Variants in PDS5B observed in about 807,000 individuals in gnomAD.
PDS5B encodes sister chromatid cohesion protein PDS5 homolog B.
A neutral mutation model predicts 184.1 loss-of-function variants in PDS5B; 51 were observed. That is an observed-to-expected ratio of 0.28 (90% CI 0.22 to 0.35). PDS5B has a LOEUF of 0.35. Ranked by LOEUF, PDS5B falls within the 10% of genes least tolerant of loss-of-function variation. The probability of loss-of-function intolerance (pLI) is 1.00; values close to 1 mark genes in which losing one functional copy is unlikely to be tolerated. For missense variants in PDS5B, 1,180 were observed against 1,723.3 expected (o/e 0.68, Z 5.58); for synonymous variants, 566 against 569.2 (o/e 0.99, Z 0.08).
At chr13:32,646,482 G>A (rs1321552365) in intron 1 of PDS5B, among the ~76,000 whole-genome samples, 1 of 140,110 alleles carries the variant, frequency 7.1e-6, no homozygotes, top group Admixed American at 7.7e-5. Flanking sequence ...GAATGGTATT[G>A]CTGTGAACAT....
chr13:32,755,407 T>G (rs1056815147), intron 25 of PDS5B, among the ~76,000 whole-genome samples: 30 of 152,172 alleles, frequency 2.0e-4, no homozygotes, highest in Non-Finnish European at 1.0e-4. Context: ...CCATATTGAC[T>G]CTGAAAAATA....
chr13:32,729,044 G>A (rs1953009719), intron 19 of PDS5B, among the ~76,000 whole-genome samples: 1 of 152,022 alleles, frequency 6.6e-6, no homozygotes, highest in African/African-American at 2.4e-5. Flanking sequence ...CTGTCATCTA[G>A]GTTTTAAGCC....
chr13:32,739,312 T>G (rs1318993094), intron 21 of PDS5B, among the ~76,000 whole-genome samples: 1 of 152,190 alleles, frequency 6.6e-6, no homozygotes, highest in African/African-American at 2.4e-5. Flanking sequence ...GAGCCTCTGT[T>G]CTTTTCCACT....
At chr13:32,638,215 C>T (rs1383041916) in intron 1 of PDS5B, among the ~76,000 whole-genome samples, 3 of 152,212 alleles carry the variant, frequency 2.0e-5, no homozygotes, top group Non-Finnish European at 4.4e-5. Flanking sequence ...CAAACACTTA[C>T]TAAACTTCTC....
intron 10 of PDS5B, among the ~76,000 whole-genome samples, chr13:32,682,370 G>C (rs576224386): frequency 6.6e-6 from 1 of 152,218 alleles, no homozygotes; most frequent in South Asian, 2.1e-4. Context: ...CATATATGTT[G>C]AATCATACAA....
At chr13:32,591,953 A>T (rs971229892) in intron 1 of PDS5B, among the ~76,000 whole-genome samples, 6 of 152,150 alleles carry the variant, frequency 3.9e-5, no homozygotes, top group Non-Finnish European at 8.8e-5. Context: ...CTGGCTTTGA[A>T]CAACTCTGGG....
At chr13:32,644,934 C>T (rs890957593) in intron 1 of PDS5B, among the ~76,000 whole-genome samples, 6 of 152,004 alleles carry the variant, frequency 3.9e-5, no homozygotes. Context: ...CATTTGGTTT[C>T]CTAATATTTT....
chr13:32,736,211 A>G (rs981964188), intron 21 of PDS5B, among the ~76,000 whole-genome samples: 5 of 151,916 alleles, frequency 3.3e-5, no homozygotes, highest in African/African-American at 1.2e-4. Flanking sequence ...GTTTATTTAG[A>G]TTTGCCAACA....
chr13:32,710,559 T>C (rs1009843156), intron 19 of PDS5B, among the ~76,000 whole-genome samples: 9 of 152,240 alleles, frequency 5.9e-5, no homozygotes, highest in Non-Finnish European at 1.2e-4. Flanking sequence ...ATTTTGTCTG[T>C]GTTCCAGTAT....
In PDS5B at chr13:32,692,414, C is replaced by CTATTTT. The variant is rs1593440334; in HGVS notation, c.1470-1809_1470-1808insTATTTT. Among the ~76,000 whole-genome samples, 2 of 69,124 alleles carry CTATTTT rather than the reference C, an allele frequency of 2.9e-5. 1 individual carries two copies. The highest frequency in any genetic ancestry group is 1.0e-4 in the African/African-American group (2 of 19,828). The allele number at this position is 69,124 out of a possible 152,430, so 45.3% of individuals were successfully genotyped here. A position where few individuals can be genotyped will look rare whatever the true frequency, so the allele number is the denominator to read the frequency against. ...ATTAAACAAGTTTGCGTCCAAAAAGCCTTTTTTTTTTTTTTTTTTTTTTTT... is the reference window on the plus strand; with the variant it reads ...ATTAAACAAGTTTGCGTCCAAAAAGCTATTTTCTTTTTTTTTTTTTTTTTTTTTTTT... On this transcript the variant is annotated intron_variant, in intron 13 of 34. Transcript: ENST00000315596.
intron 3 of PDS5B, chr13:32,652,222 A>T (rs1346047405): frequency 7.1e-6 from 3 of 421,154 alleles, no homozygotes; most frequent in South Asian, 4.5e-5. Context: ...TACAGTGTGT[A>T]TTTTTTTTAT....
At chr13:32,730,380 G>T (rs151309256) in intron 19 of PDS5B, among the ~76,000 whole-genome samples, 133 of 152,266 alleles carry the variant, frequency 8.7e-4, no homozygotes, top group African/African-American at 3.1e-3. Flanking sequence ...CAGGTAGCAT[G>T]ATATCTCCAG....
chr13:32,695,718 G>A (rs768797218), intron 14 of PDS5B, among the ~76,000 whole-genome samples: 1 of 151,946 alleles, frequency 6.6e-6, no homozygotes, highest in Non-Finnish European at 1.5e-5. Flanking sequence ...GATTCTCACT[G>A]TTCCTCTAAA....
chr13:32,611,321 T>C (rs1162578823), intron 1 of PDS5B, among the ~76,000 whole-genome samples: 1 of 152,082 alleles, frequency 6.6e-6, no homozygotes, highest in Non-Finnish European at 1.5e-5. Flanking sequence ...AACCCTTCTC[T>C]TCTCTATGCC....
intron 18 of PDS5B, among the ~76,000 whole-genome samples, chr13:32,709,675 A>G (rs1952140217): frequency 6.6e-6 from 1 of 152,110 alleles, no homozygotes; most frequent in Non-Finnish European, 1.5e-5. Context: ...ACAATAATCA[A>G]AATCTAAATT....
At position 32,688,518 on chromosome 13, in the gene PDS5B, G is replaced by A. The variant is rs1302412247; in HGVS notation, c.1418G>A (p.Arg473Gln). Residue 473 changes from arginine to glutamine, a missense_variant, in exon 13 of 35, where the codon CGG becomes CAG. Coordinates refer to ENST00000315596, the MANE Select transcript of PDS5B (RefSeq NM_015032.4). Reference sequence around the variant, plus strand: ...CCTCACAATTTAGAAACTACAGAACGGATGAAATGCTTATATTACTTGTAT... The same window carrying A: ...CCTCACAATTTAGAAACTACAGAACAGATGAAATGCTTATATTACTTGTAT... The part of the protein sequence containing the change: ...MVPHNLETTE[R>Q]MKCLYYLYAT... 1 of 1,609,788 alleles carries A rather than the reference G, an allele frequency of 6.2e-7. No individual in the cohort carries two copies. The highest frequency in any genetic ancestry group is 2.2e-5 in the East Asian group (1 of 44,760).
At chr13:32,729,185 G>T (rs1953015630) in intron 19 of PDS5B, among the ~76,000 whole-genome samples, 1 of 152,140 alleles carries the variant, frequency 6.6e-6, no homozygotes, top group Non-Finnish European at 1.5e-5. Flanking sequence ...TTATGAGTGA[G>T]AACATGTGTT....
chr13:32,590,238 A>C (rs1229581465), intron 1 of PDS5B, among the ~76,000 whole-genome samples: 1 of 152,248 alleles, frequency 6.6e-6, no homozygotes. Context: ...CATCTTTTTA[A>C]GGACTAAAAG....
chr13:32,715,897 G>C (rs1394966618), intron 19 of PDS5B, among the ~76,000 whole-genome samples: 1 of 152,268 alleles, frequency 6.6e-6, no homozygotes, highest in African/African-American at 2.4e-5. Context: ...CTAACCGCGA[G>C]TGATCCGCCA....
Sources: allele counts gnomAD v4.1 joint callset (sites outside exome capture counted in the v4.1 genomes callset), GRCh38; gene constraint gnomAD v4.1.1; transcripts MANE v1.5; gene names NCBI Gene and HGNC (gene_info 2026-07-23, HGNC 2026-07-21).